The following ACER1 variants were observed in gnomAD, a reference collection of about 807,000 sequenced individuals.
The protein encoded by ACER1 is CTB-180A7.3.
Under a neutral mutation model 24.9 loss-of-function variants are expected in ACER1, and 28 were observed. The observed-to-expected ratio is 1.13, with a 90% CI of 0.83 to 1.54. The LOEUF (loss-of-function observed/expected upper bound fraction) is 1.54, where lower values mean the gene tolerates loss of function less well. Among genes scored for constraint, ACER1 ranks in the 40% most tolerant of loss-of-function variants. The pLI, the probability that ACER1 is intolerant of heterozygous loss-of-function variation, is 0.00. For missense variants in ACER1, 352 were observed against 349.3 expected, an observed-to-expected ratio of 1.01 and a Z score of -0.06; for synonymous variants, 132 against 131.4, an observed-to-expected ratio of 1.00 and a Z score of -0.03.
chr19:6,308,218 T>C (rs866661605), intron 4 of ACER1, among the ~76,000 whole-genome samples: 5 of 152,050 alleles, frequency 3.3e-5, no homozygotes, highest in Middle Eastern at 3.2e-3. Context: ...GCAGATCATC[T>C]GAGGTTAGGA....
the ACER1 span, among the ~76,000 whole-genome samples, chr19:6,351,257 G>A: frequency 0.21 from 31,360 of 151,668 alleles, 4,287 homozygotes; most frequent in East Asian, 0.39. Flanking sequence ...TCCCAGCTAC[G>A]CAGGAGTCTG....
chr19:6,352,173 T>TTCCA, the ACER1 span, among the ~76,000 whole-genome samples: 1 of 152,132 alleles, frequency 6.6e-6, no homozygotes, highest in Non-Finnish European at 1.5e-5. Flanking sequence ...CGCCATCACT[T>TTCCA]TCCATCCTGT....
the ACER1 span, among the ~76,000 whole-genome samples, chr19:6,350,248 A>G: frequency 2.6e-5 from 4 of 152,216 alleles, no homozygotes; most frequent in East Asian, 7.7e-4. Context: ...CAGGTGGATC[A>G]CAAGGTCAAG....
chr19:6,355,034 G>A, the ACER1 span, among the ~76,000 whole-genome samples: 6 of 152,184 alleles, frequency 3.9e-5, no homozygotes, highest in South Asian at 1.0e-3. Context: ...TGTGTTGGCC[G>A]GGCTGGTCTC....
the ACER1 span, among the ~76,000 whole-genome samples, chr19:6,355,498 C>G: frequency 2.0e-5 from 3 of 149,026 alleles, no homozygotes; most frequent in Admixed American, 1.3e-4. Flanking sequence ...AAGTGAGGAG[C>G]CCCTCTGCCC....
chr19:6,346,049 G>T, the ACER1 span, among the ~76,000 whole-genome samples: 1 of 152,004 alleles, frequency 6.6e-6, no homozygotes, highest in Non-Finnish European at 1.5e-5. Flanking sequence ...TTCCAAGGTG[G>T]GTTAATTCCA....
intron 4 of ACER1, among the ~76,000 whole-genome samples, chr19:6,307,790 T>TA (rs1455334486): frequency 1.3e-5 from 2 of 150,820 alleles, no homozygotes; most frequent in Non-Finnish European, 3.0e-5. Flanking sequence ...GACCCTGTCT[T>TA]AAAAAACAAT....
At chr19:6,354,587 A>G in the ACER1 span, among the ~76,000 whole-genome samples, 1 of 152,344 alleles carries the variant, frequency 6.6e-6, no homozygotes, top group Non-Finnish European at 1.5e-5. Flanking sequence ...GTACTCAGAC[A>G]CTATGTAAGA....
upstream of ACER1, among the ~76,000 whole-genome samples, chr19:6,338,245 G>T (rs991538043): frequency 2.0e-5 from 3 of 152,070 alleles, no homozygotes; most frequent in African/African-American, 7.2e-5. Flanking sequence ...TCTCACCTTC[G>T]CCTCCCAAGT....
At chr19:6,350,189 C>T in the ACER1 span, among the ~76,000 whole-genome samples, 8 of 150,638 alleles carry the variant, frequency 5.3e-5, no homozygotes, top group Non-Finnish European at 8.9e-5. Flanking sequence ...GGGAAGGGTC[C>T]GGGCGTGGTG....
intron 1 of ACER1, among the ~76,000 whole-genome samples, chr19:6,327,267 C>CA (rs1011704117): frequency 7.2e-5 from 11 of 152,166 alleles, no homozygotes; most frequent in East Asian, 1.9e-4. Flanking sequence ...CCTGTCTCTG[C>CA]AAAAAATACA....
chr19:6,328,905 G>A (rs2091674552), intron 1 of ACER1, among the ~76,000 whole-genome samples: 1 of 151,766 alleles, frequency 6.6e-6, no homozygotes, highest in South Asian at 2.1e-4. Context: ...GAACTCCTGA[G>A]CGCAAGTGAT....
chr19:6,340,756 A>G, the ACER1 span, among the ~76,000 whole-genome samples: 1 of 152,098 alleles, frequency 6.6e-6, no homozygotes, highest in Admixed American at 6.6e-5. Flanking sequence ...GGGAGGACAG[A>G]GCAGCCAGGA....
chr19:6,332,729 G>A (rs1900742820), intron 1 of ACER1, among the ~76,000 whole-genome samples: 1 of 152,036 alleles, frequency 6.6e-6, no homozygotes, highest in Admixed American at 6.6e-5. Flanking sequence ...GGAGTGCAGT[G>A]GCACAATCTC....
chr19:6,322,881 T>C (rs2091638033), intron 1 of ACER1, among the ~76,000 whole-genome samples: 1 of 151,130 alleles, frequency 6.6e-6, no homozygotes, highest in Admixed American at 6.6e-5. Context: ...GAGAACAAGG[T>C]GGGTGGATCA....
intron 4 of ACER1, among the ~76,000 whole-genome samples, chr19:6,308,530 C>G (rs569315090): frequency 6.6e-6 from 1 of 152,134 alleles, no homozygotes; most frequent in East Asian, 1.9e-4. Flanking sequence ...TGCCCCACCC[C>G]ACCCCATGGT....
the ACER1 span, among the ~76,000 whole-genome samples, chr19:6,358,386 C>A: frequency 2.0e-5 from 3 of 152,156 alleles, no homozygotes; most frequent in Non-Finnish European, 2.9e-5. Flanking sequence ...CCTGATTCTA[C>A]AAAACTGGGA....
chr19:6,341,649 G>A, the ACER1 span, among the ~76,000 whole-genome samples: 31 of 148,854 alleles, frequency 2.1e-4, no homozygotes, highest in Admixed American at 4.0e-4. Flanking sequence ...GTTTTGAGAT[G>A]GAGTCTTGCT....
intron 1 of ACER1, among the ~76,000 whole-genome samples, chr19:6,322,971 G>A (rs898203661): frequency 6.6e-6 from 1 of 152,156 alleles, no homozygotes; most frequent in East Asian, 1.9e-4. Flanking sequence ...AATTAGCCAG[G>A]TGTGGTGGTG....
Sources: gnomAD v4.1 joint callset for allele counts (sites outside exome capture counted in the v4.1 genomes callset) on GRCh38, gnomAD v4.1.1 for gene constraint, MANE v1.5 for transcripts, NCBI Gene and HGNC (gene_info 2026-07-23, HGNC 2026-07-21) for gene names.